The following TMEM131L variants were observed in gnomAD, a reference collection of about 807,000 sequenced individuals.
The protein encoded by TMEM131L is transmembrane protein 131-like.
A neutral mutation model predicts 192.2 loss-of-function variants in TMEM131L; 54 were observed. The observed-to-expected ratio is 0.28, with a 90% CI of 0.23 to 0.35. TMEM131L has a LOEUF of 0.35. TMEM131L is among the 10% of genes least tolerant of loss of function. The pLI is 1.00. For synonymous variants in TMEM131L, 701 were observed against 704.9 expected, an observed-to-expected ratio of 0.99 and a Z score of 0.09; for missense variants, 1,888 against 1,972.9, an observed-to-expected ratio of 0.96 and a Z score of 0.82.
chr4:153,473,181 A>C (rs146376446), intron 2 of TMEM131L, among the ~76,000 whole-genome samples: 1 of 152,178 alleles, frequency 6.6e-6, no homozygotes, highest in African/African-American at 2.4e-5. Flanking sequence ...GGAGGGAGCC[A>C]TAGTAGGTTC....
intron 6 of TMEM131L, 147 bp from the exon 7 acceptor site, chr4:153,558,111 G>A: frequency 2.1e-6 from 1 of 475,564 alleles, no homozygotes; most frequent in Non-Finnish European, 3.9e-6. Context: ...GTTTTTTGTA[G>A]ACAAAGATAA....
intron 7 of TMEM131L, among the ~76,000 whole-genome samples, chr4:153,566,464 C>T (rs936885302): frequency 1.3e-5 from 2 of 151,518 alleles, no homozygotes; most frequent in South Asian, 4.2e-4. Flanking sequence ...AGAGGAAAAC[C>T]CTGACACAGA....
chr4:153,612,154 T>C, intron 25 of TMEM131L, 98 bp from the exon 26 acceptor site: 1 of 819,734 alleles, frequency 1.2e-6, no homozygotes, highest in Non-Finnish European at 1.8e-6. Context: ...TTAATTTAAC[T>C]CTCATGAAGT....
chr4:153,634,416 C>A, intron 33 of TMEM131L, 136 bp downstream of exon 33: 1 of 689,502 alleles, frequency 1.5e-6, no homozygotes, highest in Non-Finnish European at 2.6e-6. Flanking sequence ...TGCCGAATGG[C>A]TTCATGTGGA....
chr4:153,606,023 T>TG (rs1299682433), intron 25 of TMEM131L, among the ~76,000 whole-genome samples: 2 of 152,208 alleles, frequency 1.3e-5, no homozygotes, highest in Non-Finnish European at 2.9e-5. Flanking sequence ...CACTGTGCCC[T>TG]GTCTCCTCCA....
intron 3 of TMEM131L, among the ~76,000 whole-genome samples, chr4:153,500,892 T>G (rs954660112): frequency 6.6e-6 from 1 of 152,148 alleles, no homozygotes. Context: ...AGTCTCCTCT[T>G]TCTCCAGAGA....
chr4:153,468,747 C>A (rs1730953042), intron 2 of TMEM131L, among the ~76,000 whole-genome samples: 1 of 151,918 alleles, frequency 6.6e-6, no homozygotes, highest in South Asian at 2.1e-4. Context: ...CCCCCTCTCC[C>A]CCACCCCCTC....
chr4:153,514,001 T>C (rs1452010265), intron 3 of TMEM131L, among the ~76,000 whole-genome samples: 1 of 152,242 alleles, frequency 6.6e-6, no homozygotes, highest in Non-Finnish European at 1.5e-5. Flanking sequence ...TCATTTTTTT[T>C]CTCTGTCTCA....
intron 9 of TMEM131L, among the ~76,000 whole-genome samples, chr4:153,582,370 A>G (rs941155803): frequency 3.3e-5 from 5 of 150,102 alleles, no homozygotes; most frequent in African/African-American, 1.2e-4. Flanking sequence ...TTGGCCTCCC[A>G]AGTAGCTGGG....
At chr4:153,469,538 A>G (rs1277772985) in intron 2 of TMEM131L, among the ~76,000 whole-genome samples, 3 of 152,152 alleles carry the variant, frequency 2.0e-5, no homozygotes, top group African/African-American at 7.2e-5. Flanking sequence ...TAACCAGTAC[A>G]TTGGGTTTCT....
intron 3 of TMEM131L, among the ~76,000 whole-genome samples, chr4:153,488,078 G>C (rs1240631178): frequency 1.3e-5 from 2 of 150,406 alleles, no homozygotes; most frequent in African/African-American, 4.9e-5. Context: ...AGAGACCCTG[G>C]TGAGCCTGTG....
chr4:153,625,838 G>A (rs1247179337), intron 29 of TMEM131L, among the ~76,000 whole-genome samples: 2 of 151,396 alleles, frequency 1.3e-5, no homozygotes, highest in Non-Finnish European at 2.9e-5. Context: ...AACCCGGGAG[G>A]TGGAAGTTGC....
chr4:153,575,732 C>T (rs1729890210), intron 7 of TMEM131L, among the ~76,000 whole-genome samples: 2 of 152,024 alleles, frequency 1.3e-5, no homozygotes, highest in Middle Eastern at 3.2e-3. Context: ...AATATCTGAT[C>T]TGATTTGTTA....
chr4:153,632,977 T>C (rs1734317504), intron 32 of TMEM131L, 139 bp downstream of exon 32: 2 of 937,518 alleles, frequency 2.1e-6, no homozygotes, highest in Middle Eastern at 2.3e-4. Context: ...TGCGTTTCCT[T>C]CTGCCTTTTA....
At chr4:153,596,146 C>T (rs981139000) in intron 19 of TMEM131L, 112 bp from the exon 20 acceptor site, 27 of 1,275,998 alleles carry the variant, frequency 2.1e-5, no homozygotes, top group Non-Finnish European at 1.1e-6. Flanking sequence ...TTAGGAGGAT[C>T]AAATCTGGAC....
chr4:153,577,331 A>G (rs1730020084), intron 7 of TMEM131L, among the ~76,000 whole-genome samples: 2 of 152,228 alleles, frequency 1.3e-5, no homozygotes. Context: ...CCAGATTTGT[A>G]TATGGGTAAA....
At chr4:153,559,203 C>T (rs888442258) in intron 7 of TMEM131L, among the ~76,000 whole-genome samples, 1 of 152,078 alleles carries the variant, frequency 6.6e-6, no homozygotes, top group African/African-American at 2.4e-5. Context: ...GGGAGAAGAA[C>T]CAAATTAATT....
At chr4:153,630,455 C>T (rs1734134222) in intron 31 of TMEM131L, among the ~76,000 whole-genome samples, 1 of 152,084 alleles carries the variant, frequency 6.6e-6, no homozygotes, top group Admixed American at 6.6e-5. Flanking sequence ...CTCCACTTGG[C>T]CAGAGGCATT....
At chr4:153,527,259 A>G (rs1185410106) in intron 3 of TMEM131L, among the ~76,000 whole-genome samples, 2 of 150,238 alleles carry the variant, frequency 1.3e-5, no homozygotes, top group Non-Finnish European at 2.9e-5. Flanking sequence ...CTTGTTGCCA[A>G]ATCTTCAGTT....
Sources: allele counts gnomAD v4.1 joint callset (sites outside exome capture counted in the v4.1 genomes callset), GRCh38; gene constraint gnomAD v4.1.1; transcripts MANE v1.5; gene names NCBI Gene and HGNC (gene_info 2026-07-23, HGNC 2026-07-21).